Variants in AP2A1 observed in about 807,000 individuals in gnomAD.
AP2A1 encodes AP-2 complex subunit alpha-1.
In AP2A1, 21 loss-of-function variants were observed where a neutral mutation model predicts 107.3. The observed-to-expected ratio is 0.20, with a 90% confidence interval of 0.14 to 0.28. The LOEUF (loss-of-function observed/expected upper bound fraction) is 0.28, where lower values mean the gene tolerates loss of function less well. Ranked by LOEUF, AP2A1 falls within the 10% of genes least tolerant of loss-of-function variation. The pLI is 1.00. For missense variants in AP2A1, 873 were observed against 1,307.7 expected (o/e 0.67, Z 5.13); for synonymous variants, 602 against 564.8 (o/e 1.07, Z -0.93).
intron 7 of AP2A1, among the ~76,000 whole-genome samples, chr19:49,798,275 C>T (rs1267959729): frequency 6.6e-6 from 1 of 152,170 alleles, no homozygotes; most frequent in Non-Finnish European, 1.5e-5. Flanking sequence ...CTGGTTGAGC[C>T]TTGTCTCCTT....
intron 1 of AP2A1, among the ~76,000 whole-genome samples, chr19:49,780,760 C>G (rs1356153957): frequency 6.6e-6 from 1 of 152,098 alleles, no homozygotes; most frequent in African/African-American, 2.4e-5. Context: ...CCTGTAATCC[C>G]AGCATTTTGG....
intron 4 of AP2A1, among the ~76,000 whole-genome samples, chr19:49,790,132 C>T (rs746404361): frequency 5.3e-5 from 8 of 152,186 alleles, no homozygotes; most frequent in Non-Finnish European, 8.8e-5. Context: ...AAAATCAAGG[C>T]GTGGGCAGGG....
chr19:49,787,871 C>T (rs1379220635), intron 4 of AP2A1, among the ~76,000 whole-genome samples: 2 of 152,106 alleles, frequency 1.3e-5, no homozygotes, highest in Non-Finnish European at 2.9e-5. Context: ...GAAATGGAAC[C>T]GCACAGTAGG....
chr19:49,804,516 G>A (rs942762894), intron 18 of AP2A1: 1 of 151,558 alleles, frequency 6.6e-6, no homozygotes, highest in Non-Finnish European at 1.5e-5. Flanking sequence ...CTCCAGCCTG[G>A]GCGACAGCGA....
chr19:49,792,313 C>T (rs995898316), intron 5 of AP2A1, among the ~76,000 whole-genome samples: 2 of 129,594 alleles, frequency 1.5e-5, no homozygotes, highest in African/African-American at 3.0e-5. Flanking sequence ...CTCACGCCCC[C>T]GGATACCCAG....
At chr19:49,787,765 C>T (rs1568579796) in intron 4 of AP2A1, among the ~76,000 whole-genome samples, 1 of 152,106 alleles carries the variant, frequency 6.6e-6, no homozygotes, top group Non-Finnish European at 1.5e-5. Context: ...GACTCTGTAC[C>T]CATTAGCAGT....
At chr19:49,806,066 G>T in intron 21 of AP2A1, 53 bp from the exon 22 acceptor site, 1 of 1,598,842 alleles carries the variant, frequency 6.3e-7, no homozygotes. Context: ...GGATGCCACT[G>T]TGTGGTAACT....
At chr19:49,797,013 GTCTTCCTTCTCT>G (rs2073222240) in intron 7 of AP2A1, 1 of 152,238 alleles carries the variant, frequency 6.6e-6, no homozygotes, top group Non-Finnish European at 1.5e-5. Context: ...CTGGGGACAT[GTCTTCCTTCTCT>G]GGGCCTCTTT....
intron 5 of AP2A1, 111 bp downstream of exon 5, chr19:49,792,175 G>A (rs2073152404): frequency 1.6e-6 from 2 of 1,231,254 alleles, no homozygotes; most frequent in African/African-American, 1.6e-5. Flanking sequence ...GATACCCAGG[G>A]CTCCCACCTC....
chr19:49,801,588 C>A lies in AP2A1; in HGVS notation c.1752C>A (p.Leu584=), dbSNP rs1216679741. Residue 584 remains leucine, a synonymous_variant, in exon 13 of 23, where the codon CTC becomes CTA. Coordinates refer to ENST00000354293, the MANE Select transcript of AP2A1 (RefSeq NM_130787.3). The stretch of plus-strand genomic sequence containing the variant: ...TGCAGCAGCGAGCCGTGGAGTACCT[C>A]ACCCTCAGCTCAGTGGCCAGCACCG... The part of the protein sequence containing the change: ...VELQQRAVEY[L]TLSSVASTDV... 2 of 1,613,368 alleles carry A rather than the reference C, an allele frequency of 1.2e-6. No homozygotes were observed. The highest frequency in any genetic ancestry group is 3.3e-5 in the Admixed American group (2 of 59,980).
intron 1 of AP2A1, 49 bp downstream of exon 1, chr19:49,767,249 T>G (rs2084512196): frequency 2.5e-6 from 4 of 1,593,228 alleles, no homozygotes; most frequent in African/African-American, 1.4e-5. Context: ...GGGGGGAGCG[T>G]GAAATTGAGG....
chr19:49,796,080 A>T, intron 7 of AP2A1: 1 of 279,518 alleles, frequency 3.6e-6, no homozygotes. Context: ...AGCGTCACTC[A>T]CCCGGTCAGT....
rs1177408618 is a variant in AP2A1, at chr19:49,807,002, A to G, written c.*244A>G. On this transcript the variant is annotated 3_prime_UTR_variant, in exon 23 of 23. Transcript: ENST00000354293. ...CCCAAGCACAGAGGGGAGAGGGGCCAGGGAAGTGGATGTCTCCTCCCCTCC... is the reference window on the plus strand; with the variant it reads ...CCCAAGCACAGAGGGGAGAGGGGCCGGGGAAGTGGATGTCTCCTCCCCTCC... 14 of 1,498,200 alleles carry G rather than the reference A, an allele frequency of 9.3e-6. No individual in the cohort carries two copies. Among genetic ancestry groups the G allele is most frequent in the Non-Finnish European group, 1.2e-5 (14 of 1,126,144 alleles). 92.8% of individuals were successfully genotyped at this position (1,498,200 alleles called of 1,614,324 possible). A position where few individuals can be genotyped will look rare whatever the true frequency, so the allele number is the denominator to read the frequency against.
rs1464854770 is a variant in AP2A1, at chr19:49,782,703, TC to T, written c.457del (p.Arg153AlafsTer81). ...ATGGGCGAGGCCTTTGCCGCTGACA[TC>T]CCCCGCATCCTGGTGGCCGGGTAAG... ...REMGEAFAAD[I>X]PRILVAGDSM... On this transcript the variant is annotated frameshift_variant, in exon 4 of 23. Transcript: ENST00000354293. LOFTEE classifies it high-confidence loss of function. The T allele has an allele frequency of 1.2e-6, 2 of 1,605,406 alleles. No individual in the cohort carries two copies.
At chr19:49,795,835 G>C in intron 7 of AP2A1, 97 bp downstream of exon 7, 1 of 966,274 alleles carries the variant, frequency 1.0e-6, no homozygotes. Flanking sequence ...TGGAGGGTCT[G>C]GGTCAGGATT....
At chr19:49,791,739 A>G (rs2073144609) in intron 4 of AP2A1, 196 bp from the exon 5 acceptor site, 2 of 599,008 alleles carry the variant, frequency 3.3e-6, no homozygotes, top group South Asian at 4.1e-5. Context: ...ACTGAGATGC[A>G]ATCATTTTGC....
intron 1 of AP2A1, among the ~76,000 whole-genome samples, chr19:49,779,638 C>T (rs1205316164): frequency 6.6e-6 from 1 of 152,186 alleles, no homozygotes; most frequent in African/African-American, 2.4e-5. Context: ...CAAGTTCTCA[C>T]TGTGTTGTCC....
chr19:49,788,259 T>C lies in AP2A1; in HGVS notation c.474-3676T>C, dbSNP rs1054773577. ...CCACCGCGCCTGACTTGTGGTTTTA[T>C]TTTTTATACTTGAATATGCAGCTTG... On this transcript the variant is annotated intron_variant, in intron 4 of 22. Coordinates refer to ENST00000354293, the MANE Select transcript of AP2A1 (RefSeq NM_130787.3). This position sits in a 1 kb window ranked among gnomAD's most constrained non-coding sequence, Gnocchi z 4.5. Among the ~76,000 whole-genome samples the C allele has an allele frequency of 6.6e-6, 1 of 152,344 alleles. No homozygotes were observed. The highest frequency in any genetic ancestry group is 1.5e-5 in the Non-Finnish European group (1 of 68,028).
intron 4 of AP2A1, among the ~76,000 whole-genome samples, chr19:49,787,347 G>GTTTTTTTTTTTTTTTTTTTTTT (rs199550216): frequency 3.1e-5 from 3 of 96,186 alleles, no homozygotes; most frequent in Admixed American, 1.1e-4. Flanking sequence ...TGTTTTTTTT[G>GTTTTTTTTTTTTTTTTTTTTTT]TTTTTTGTTT....
Sources: gnomAD v4.1 joint callset for allele counts (sites outside exome capture counted in the v4.1 genomes callset) on GRCh38, gnomAD v4.1.1 for gene constraint, Gnocchi (gnomAD v3.1) non-coding constraint, MANE v1.5 for transcripts, NCBI Gene and HGNC (gene_info 2026-07-23, HGNC 2026-07-21) for gene names.